Variants in ATP2B1 observed in about 807,000 individuals in gnomAD.
ATP2B1 encodes the protein plasma membrane calcium-transporting ATPase 1.
A neutral mutation model predicts 124.2 loss-of-function variants in ATP2B1; 14 were observed. The ratio of observed to expected loss-of-function variants is 0.11; its 90% CI spans 0.07 to 0.18. The LOEUF (loss-of-function observed/expected upper bound fraction) is 0.18, where lower values mean the gene tolerates loss of function less well. Among genes scored for constraint, ATP2B1 ranks in the 10% least tolerant of loss-of-function variants. The pLI is 1.00. For synonymous variants in ATP2B1, 449 were observed against 492.4 expected (o/e 0.91, Z 1.17); for missense variants, 763 against 1,466.1 (o/e 0.52, Z 7.83).
intron 1 of ATP2B1, among the ~76,000 whole-genome samples, chr12:89,661,330 A>C (rs566326746): frequency 3.9e-5 from 6 of 152,340 alleles, no homozygotes; most frequent in African/African-American, 1.4e-4. Flanking sequence ...CACTATTTTA[A>C]AAAGACTTTT....
chr12:89,695,013 G>A (rs10858917), intron 1 of ATP2B1, among the ~76,000 whole-genome samples: 111,127 of 147,624 alleles, frequency 0.75, 42,387 homozygotes, highest in Admixed American at 0.83. Flanking sequence ...AGCCATGATC[G>A]TGCCATTGCA....
At chr12:89,630,827 C>G (rs2136161932) in intron 5 of ATP2B1, 182 bp from the exon 6 acceptor site, 1 of 169,376 alleles carries the variant, frequency 5.9e-6, no homozygotes, top group African/African-American at 3.0e-5. Flanking sequence ...GTCACCCAGG[C>G]TGGAGTGCAA....
rs1288103337 is a variant in ATP2B1, at chr12:89,602,901, C to A, written c.3060+142G>T. 4.3e-6 allele frequency: 3 copies of A among 704,236 alleles called. No individual in the cohort carries two copies. In the East Asian group the frequency reaches 8.2e-5, roughly 19 times the overall value. The allele number at this position is 704,236 out of a possible 1,614,324, so 43.6% of individuals were successfully genotyped here. A position where few individuals can be genotyped will look rare whatever the true frequency, so the allele number is the denominator to read the frequency against. On this transcript the variant is annotated intron_variant, in intron 18 of 20. Coordinates refer to ENST00000428670, the MANE Select transcript of ATP2B1 (RefSeq NM_001366521.1). ...CAGTTCCCATATTCTTTAACATATA[C>A]CTTAAATCACCATGATATTATATAT...
At chr12:89,623,644 T>A (rs1880360537) in intron 9 of ATP2B1, among the ~76,000 whole-genome samples, 1 of 152,034 alleles carries the variant, frequency 6.6e-6, no homozygotes, top group Non-Finnish European at 1.5e-5. Flanking sequence ...TGTTTGAAAA[T>A]CATCAGGAAG....
chr12:89,610,347 A>T lies in ATP2B1; in HGVS notation c.2335+74T>A, dbSNP rs572030223. 8 of 1,215,740 alleles carry T rather than the reference A, an allele frequency of 6.6e-6. No individual in the cohort carries two copies. The South Asian group carries it at 1.0e-4, about 15-fold the overall frequency. The allele number at this position is 1,215,740 out of a possible 1,614,324, so 75.3% of individuals were successfully genotyped here. A position where few individuals can be genotyped will look rare whatever the true frequency, so the allele number is the denominator to read the frequency against. On this transcript the variant is annotated intron_variant, in intron 14 of 20. Transcript: ENST00000428670. ...TCCATGACTCAATCTAATATTCAGT[A>T]TCTATTACTATTCTGGGAAGCAGAA...
intron 1 of ATP2B1, among the ~76,000 whole-genome samples, chr12:89,661,941 A>G (rs998607176): frequency 1.3e-5 from 2 of 152,168 alleles, no homozygotes; most frequent in Admixed American, 6.5e-5. Flanking sequence ...CTTAGATATC[A>G]GCAGTGATTC....
chr12:89,680,493 G>C (rs538647666), intron 1 of ATP2B1, among the ~76,000 whole-genome samples: 1 of 152,060 alleles, frequency 6.6e-6, no homozygotes, highest in African/African-American at 2.4e-5. Flanking sequence ...AACGGATTTC[G>C]AGTAGAAAAT....
intron 1 of ATP2B1, among the ~76,000 whole-genome samples, chr12:89,686,132 C>T (rs949172062): frequency 3.3e-5 from 5 of 152,148 alleles, no homozygotes; most frequent in African/African-American, 1.2e-4. Context: ...GAAAACACTA[C>T]CATTTTTAAA....
At chr12:89,610,082 CTCTTTAA>C in intron 14 of ATP2B1, 39 bp from the exon 15 acceptor site, 2 of 1,529,008 alleles carry the variant, frequency 1.3e-6, no homozygotes, top group South Asian at 1.1e-5. Context: ...AAAAACATTA[CTCTTTAA>C]TAAGATGATT....
At chr12:89,598,307 G>A (rs1416400333) in intron 20 of ATP2B1, among the ~76,000 whole-genome samples, 2 of 152,146 alleles carry the variant, frequency 1.3e-5, no homozygotes, top group African/African-American at 2.4e-5. Context: ...AGTTTCACAA[G>A]TTCTAAGCTA....
At chr12:89,610,134 A>C (rs1480560872) in intron 14 of ATP2B1, 91 bp from the exon 15 acceptor site, 5 of 1,147,412 alleles carry the variant, frequency 4.4e-6, no homozygotes, top group Non-Finnish European at 6.2e-6. Flanking sequence ...TTATAGACTC[A>C]AGGTTAAAAA....
chr12:89,591,386 G>A, intron 20 of ATP2B1, 91 bp from the exon 21 acceptor site: 2 of 1,108,218 alleles, frequency 1.8e-6, no homozygotes, highest in East Asian at 2.5e-5. Context: ...CAAACAGCTA[G>A]GTATGAGTGA....
intron 5 of ATP2B1, among the ~76,000 whole-genome samples, chr12:89,632,685 G>A (rs11105352): frequency 0.15 from 22,830 of 152,082 alleles, 2,063 homozygotes; most frequent in South Asian, 0.35. Context: ...GTCAGAGATG[G>A]CATCATGAGA....
At chr12:89,654,986 G>T (rs1036837799) in intron 2 of ATP2B1, among the ~76,000 whole-genome samples, 1 of 152,068 alleles carries the variant, frequency 6.6e-6, no homozygotes, top group African/African-American at 2.4e-5. Flanking sequence ...TTTATGAAAG[G>T]CAATCTTCTG....
rs1452990842 is a variant in ATP2B1, at chr12:89,626,448, T to C, written c.1129+6A>G. 6 of 1,599,908 alleles carry C rather than the reference T, an allele frequency of 3.8e-6. No homozygotes were observed. The highest frequency in any genetic ancestry group is 5.1e-6 in the Non-Finnish European group (6 of 1,175,556). ...AAAACACTTTATTTTCTTCTCTATA[T>C]CATACCTGCTTTGCCAATCTGAACA... On this transcript the variant is annotated splice_donor_region_variant and intron_variant, in intron 8 of 20. Transcript: ENST00000428670.
chr12:89,630,542 C>A lies in ATP2B1; in HGVS notation c.891G>T (p.Glu297Asp). Residue 297 changes from glutamate to aspartate, a missense_variant, in exon 6 of 21, where the codon GAG becomes GAT. By Grantham distance (45) the Glu-to-Asp change is conservative (BLOSUM62 2). Transcript: ENST00000428670. ...IFTLLGAGGE[E>D]EEKKDEKKKE... ...TTTTCTTCTCATCTTTCTTCTCTTCCTCTTCACCTCCAGCTCCAAGTAAGG... is the reference window on the plus strand; with the variant it reads ...TTTTCTTCTCATCTTTCTTCTCTTCATCTTCACCTCCAGCTCCAAGTAAGG... 1 of 1,588,224 alleles carries A rather than the reference C, an allele frequency of 6.3e-7. No individual in the cohort carries two copies. Among genetic ancestry groups the A allele is most frequent in the Non-Finnish European group, 8.6e-7 (1 of 1,166,952 alleles).
intron 1 of ATP2B1, among the ~76,000 whole-genome samples, chr12:89,696,928 A>G (rs563227815): frequency 1.3e-5 from 2 of 152,292 alleles, no homozygotes; most frequent in Non-Finnish European, 2.9e-5. Context: ...TAGTCAAAGT[A>G]ACTAGTGTGT....
At chr12:89,685,071 G>A (rs766401867) in intron 1 of ATP2B1, among the ~76,000 whole-genome samples, 37 of 152,190 alleles carry the variant, frequency 2.4e-4, no homozygotes, top group Non-Finnish European at 2.9e-4. Context: ...TGTAGCCTCC[G>A]CCATTGCCGT....
At chr12:89,615,275 T>A (rs567018195) in intron 12 of ATP2B1, among the ~76,000 whole-genome samples, 2 of 152,298 alleles carry the variant, frequency 1.3e-5, no homozygotes, top group East Asian at 3.9e-4. Flanking sequence ...ATTACTTTAT[T>A]TCATTACACC....
Sources: gnomAD v4.1 joint callset for allele counts (sites outside exome capture counted in the v4.1 genomes callset) on GRCh38, gnomAD v4.1.1 for gene constraint, MANE v1.5 for transcripts, NCBI Gene and HGNC (gene_info 2026-07-23, HGNC 2026-07-21) for gene names.